The following TASP1 variants were observed in gnomAD, a reference collection of about 807,000 sequenced individuals.
TASP1 encodes the protein threonine aspartase 1.
Under a neutral mutation model 56.6 loss-of-function variants are expected in TASP1, and 16 were observed. The observed-to-expected ratio is 0.28, with a 90% CI of 0.19 to 0.43. The LOEUF (loss-of-function observed/expected upper bound fraction) is 0.43. Ranked by LOEUF, TASP1 falls within the 20% of genes least tolerant of loss-of-function variation. The pLI is 1.00. For synonymous variants in TASP1, 179 were observed against 184.2 expected, an observed-to-expected ratio of 0.97 and a Z score of 0.23; for missense variants, 393 against 511.6, an observed-to-expected ratio of 0.77 and a Z score of 2.24.
At position 13,426,596 on chromosome 20, in the gene TASP1, T is replaced by C. The variant is rs77378977; in HGVS notation, c.1096+8448A>G. On this transcript the variant is annotated intron_variant, in intron 12 of 13. Transcript: ENST00000337743. ...AAAGAAAGTCCTGGTATAAACAAAG[T>C]GTCAGATTATAGATACTTGCAATCA... Among the ~76,000 whole-genome samples the C allele has an allele frequency of 6.5e-3, 992 of 152,270 alleles. 8 individuals are homozygous for C. The highest frequency in any genetic ancestry group is 8.7e-3 in the Non-Finnish European group (594 of 68,012).
chr20:13,538,707 G>A (rs1310506173), intron 8 of TASP1, among the ~76,000 whole-genome samples: 1 of 152,146 alleles, frequency 6.6e-6, no homozygotes, highest in Non-Finnish European at 1.5e-5. Flanking sequence ...CAACAGCAGG[G>A]CCACTGTGGG....
chr20:13,438,945 A>G (rs574207424), intron 11 of TASP1, among the ~76,000 whole-genome samples: 1 of 152,334 alleles, frequency 6.6e-6, no homozygotes, highest in South Asian at 2.1e-4. Context: ...GCATATCAAA[A>G]CCACAATGAG....
chr20:13,236,145 G>C, the TASP1 span, among the ~76,000 whole-genome samples: 1 of 151,974 alleles, frequency 6.6e-6, no homozygotes, highest in Non-Finnish European at 1.5e-5. Context: ...GAATGGTCTC[G>C]ATCTCTTAAC....
At position 13,587,359 on chromosome 20, in the gene TASP1, A is replaced by G. The variant is rs2147256021; in HGVS notation, c.294T>C (p.Phe98=). ...AALVELEDSP[F]TNAGMGSNLN... ...GATTAGATCCCATTCCTGCATTTGT[A>G]AAAGGAGAATCCTAAAAGACAAAAA... The change falls in exon 5 of 14, where the codon TTT becomes TTC. Residue 98 remains phenylalanine (F), a synonymous_variant. Transcript: ENST00000337743. 6.2e-7 allele frequency: 1 copy of G among 1,606,412 alleles called. No individual in the cohort carries two copies. The highest frequency in any genetic ancestry group is 1.1e-5 in the South Asian group (1 of 89,462).
the TASP1 span, among the ~76,000 whole-genome samples, chr20:13,161,202 G>T: frequency 1.3e-5 from 2 of 152,176 alleles, no homozygotes; most frequent in Non-Finnish European, 2.9e-5. Flanking sequence ...ACAATTTGAG[G>T]TCTTTAGCCC....
At chr20:13,633,774 T>A in intron 1 of TASP1, among the ~76,000 whole-genome samples, 1 of 151,102 alleles carries the variant, frequency 6.6e-6, no homozygotes, top group South Asian at 2.1e-4. Flanking sequence ...GAGGTAACAC[T>A]CAACACAAAA....
At chr20:13,299,060 C>T in the TASP1 span, 1 of 1,613,702 alleles carries the variant, frequency 6.2e-7, no homozygotes, top group African/African-American at 1.3e-5. This position sits in a 1 kb window ranked among gnomAD's most constrained non-coding sequence, Gnocchi z 5.8. Flanking sequence ...AGGTGGCCTA[C>T]AGCACGGCCG....
the TASP1 span, among the ~76,000 whole-genome samples, chr20:13,137,776 C>A: frequency 1.3e-5 from 2 of 152,212 alleles, no homozygotes; most frequent in African/African-American, 4.8e-5. Context: ...AGAAAGCAAT[C>A]CAGGCCTTCC....
chr20:13,311,243 T>TAGATAGATAGATAGATGACA, the TASP1 span, among the ~76,000 whole-genome samples: 1 of 127,860 alleles, frequency 7.8e-6, no homozygotes, highest in Non-Finnish European at 1.7e-5. Flanking sequence ...GATAGATAGA[T>TAGATAGATAGATAGATGACA]GATAGATAGA....
the TASP1 span, among the ~76,000 whole-genome samples, chr20:13,344,672 C>T: frequency 6.6e-6 from 1 of 152,144 alleles, no homozygotes; most frequent in South Asian, 2.1e-4. Context: ...CAATATGAAG[C>T]GTGAGGCAGA....
At chr20:13,386,859 A>C (rs1487741560), downstream of TASP1, among the ~76,000 whole-genome samples, 1 of 152,056 alleles carries the variant, frequency 6.6e-6, no homozygotes, top group African/African-American at 2.4e-5. Flanking sequence ...TTTCACATTA[A>C]TTTTCTGTCT....
At chr20:13,216,201 T>G in the TASP1 span, among the ~76,000 whole-genome samples, 2 of 152,226 alleles carry the variant, frequency 1.3e-5, no homozygotes, top group Middle Eastern at 3.2e-3. Flanking sequence ...TAGAATGACT[T>G]GCTTTTTCCT....
the TASP1 span, among the ~76,000 whole-genome samples, chr20:13,319,468 A>C: frequency 1.3e-5 from 2 of 152,192 alleles, no homozygotes; most frequent in African/African-American, 4.8e-5. Flanking sequence ...TCCTGACTTA[A>C]TCCTAACAGG....
chr20:13,596,371 T>TAA (rs35818842), intron 4 of TASP1, among the ~76,000 whole-genome samples: 4 of 138,668 alleles, frequency 2.9e-5, no homozygotes, highest in Non-Finnish European at 4.7e-5. Flanking sequence ...GTGAAACTCG[T>TAA]AAAAAAAAAA....
At chr20:13,535,100 C>T (rs960792900) in intron 8 of TASP1, among the ~76,000 whole-genome samples, 2 of 152,132 alleles carry the variant, frequency 1.3e-5, no homozygotes, top group Admixed American at 6.6e-5. Context: ...CCAGGCCCAA[C>T]GCCGGGTTCA....
chr20:13,288,807 C>A, the TASP1 span: 2 of 963,022 alleles, frequency 2.1e-6, no homozygotes, highest in Non-Finnish European at 3.0e-6. Flanking sequence ...TTTTTTGAGA[C>A]GGAGTCTCTC....
chr20:13,382,770 G>C, the TASP1 span, among the ~76,000 whole-genome samples: 1 of 152,006 alleles, frequency 6.6e-6, no homozygotes, highest in African/African-American at 2.4e-5. Context: ...ACTTGCTCCA[G>C]GAACATTTAA....
chr20:13,330,785 G>A, the TASP1 span, among the ~76,000 whole-genome samples: 1 of 152,108 alleles, frequency 6.6e-6, no homozygotes, highest in African/African-American at 2.4e-5. Flanking sequence ...CTGGATTGTA[G>A]AATTTATATG....
intron 8 of TASP1, among the ~76,000 whole-genome samples, chr20:13,551,094 C>T (rs1260155672): frequency 6.6e-6 from 1 of 152,060 alleles, no homozygotes; most frequent in African/African-American, 2.4e-5. Context: ...AAACATGTGG[C>T]CAATTTGATG....
Sources: allele counts gnomAD v4.1 joint callset (sites outside exome capture counted in the v4.1 genomes callset), GRCh38; gene constraint gnomAD v4.1.1; non-coding constraint Gnocchi (gnomAD v3.1); transcripts MANE v1.5; gene names NCBI Gene and HGNC (gene_info 2026-07-23, HGNC 2026-07-21).